WHRN: variants seen among roughly 807,000 people sequenced by gnomAD.
WHRN encodes whirlin, also known as CASK-interacting protein CIP98.
A neutral mutation model predicts 68.3 loss-of-function variants in WHRN; 41 were observed. The observed-to-expected ratio is 0.60, with a 90% CI of 0.47 to 0.78. The LOEUF (loss-of-function observed/expected upper bound fraction) is 0.78, where lower values mean the gene tolerates loss of function less well. WHRN is among the 30% of genes least tolerant of loss of function. The probability of loss-of-function intolerance (pLI) is 0.00; values close to 1 mark genes in which losing one functional copy is unlikely to be tolerated. For synonymous variants in WHRN, 560 were observed against 561.3 expected, an observed-to-expected ratio of 1.00 and a Z score of 0.03; for missense variants, 1,243 against 1,244.7, an observed-to-expected ratio of 1.00 and a Z score of 0.02.
rs748769354 is a variant in WHRN at position 114,424,361 on chromosome 9, C to A, written c.1389G>T (p.Leu463=). ...SVSVEALVMA[L]FKLLNTHAKF... ...TGGCGTGGGTGTTGAGCAGCTTGAA[C>A]AGGGCCATGACGAGGGCCTCCACAG... Residue 463 remains leucine, a synonymous_variant, in exon 6 of 12, where the codon CTG becomes CTT. Transcript: ENST00000362057. 3.7e-6 allele frequency: 6 copies of A among 1,612,330 alleles called. No homozygotes were observed. Among genetic ancestry groups the A allele is most frequent in the Middle Eastern group, 2.2e-4 (1 of 4,524 alleles).
At chr9:114,487,534 C>T (rs1842646361) in intron 1 of WHRN, among the ~76,000 whole-genome samples, 1 of 152,220 alleles carries the variant, frequency 6.6e-6, no homozygotes, top group Non-Finnish European at 1.5e-5. Flanking sequence ...ACCGAATTCT[C>T]ATTCTCCTAT....
At position 114,504,634 on chromosome 9, in the gene WHRN, C is replaced by A. The variant is rs376376335; in HGVS notation, c.168G>T (p.Glu56Asp). ...AAGCGTTCAGGCAGTGGGTGAACTG[C>A]TCCCGCTCCGCCTCGCTCAGCAGCG... ...LTALLSEAER[E>D]QFTHCLNAYH... Residue 56 changes from glutamate to aspartate, a missense_variant, in exon 1 of 12, where the codon GAG (glutamate) becomes GAT (aspartate). Glu to Asp is a conservative substitution (Grantham distance 45). Transcript: ENST00000362057. 1 of 1,608,612 alleles carries A rather than the reference C, an allele frequency of 6.2e-7. No homozygotes were observed.
intron 3 of WHRN, among the ~76,000 whole-genome samples, chr9:114,462,715 C>T (rs971258450): frequency 7.2e-5 from 11 of 152,236 alleles, no homozygotes; most frequent in African/African-American, 2.7e-4. Context: ...TCAGTTCTAG[C>T]ACTTAGCTGG....
At chr9:114,464,851 TGATG>T in intron 3 of WHRN, among the ~76,000 whole-genome samples, 1 of 127,084 alleles carries the variant, frequency 7.9e-6, no homozygotes, top group Non-Finnish European at 1.5e-5. Flanking sequence ...ATGATGATGA[TGATG>T]ATGATGATGA....
At position 114,438,726 on chromosome 9, in the gene WHRN, C is replaced by T. The variant is rs1332210166; in HGVS notation, c.964-12313G>A. 2.0e-5 allele frequency among the ~76,000 whole-genome samples: 3 copies of T among 152,098 alleles called. No homozygotes were observed. In the East Asian group the frequency reaches 5.8e-4, roughly 29 times the overall value. On this transcript the variant is annotated intron_variant, in intron 3 of 11. Coordinates refer to ENST00000362057, the MANE Select transcript of WHRN (RefSeq NM_015404.4). ...TTGGCCTCCCAAAGTGCTGGGATTA[C>T]AGGCATGAGCCACCGCGCCTGGCTA...
At chr9:114,439,394 A>C (rs1233714754) in intron 3 of WHRN, among the ~76,000 whole-genome samples, 1 of 152,218 alleles carries the variant, frequency 6.6e-6, no homozygotes, top group Non-Finnish European at 1.5e-5. Context: ...ATAAACTGCA[A>C]ACAAATCAGA....
intron 3 of WHRN, among the ~76,000 whole-genome samples, chr9:114,437,434 C>T (rs1026856671): frequency 2.6e-5 from 4 of 152,110 alleles, no homozygotes; most frequent in Non-Finnish European, 4.4e-5. Flanking sequence ...TAAAAAAACT[C>T]TATAAGCAAA....
At chr9:114,450,075 C>T (rs1443198264) in intron 3 of WHRN, among the ~76,000 whole-genome samples, 1 of 152,198 alleles carries the variant, frequency 6.6e-6, no homozygotes, top group Non-Finnish European at 1.5e-5. Flanking sequence ...GAGGTGGCTA[C>T]TGCACCTCAG....
intron 7 of WHRN, among the ~76,000 whole-genome samples, chr9:114,420,925 A>G (rs998872962): frequency 7.2e-5 from 11 of 151,934 alleles, no homozygotes; most frequent in African/African-American, 2.7e-4. Flanking sequence ...CGCGAGCTCA[A>G]GTGCCCCTTC....
At chr9:114,438,513 C>T (rs577948422) in intron 3 of WHRN, among the ~76,000 whole-genome samples, 9 of 145,216 alleles carry the variant, frequency 6.2e-5, no homozygotes, top group African/African-American at 2.1e-4. Context: ...AGTGCAGTGG[C>T]GCAATCTTGG....
intron 3 of WHRN, among the ~76,000 whole-genome samples, chr9:114,459,450 GA>G (rs1564179574): frequency 8.9e-6 from 1 of 112,700 alleles, no homozygotes; most frequent in Non-Finnish European, 1.9e-5. Context: ...GCAATAGAGC[GA>G]GAGTTCATCT....
rs1489536141 is a variant in WHRN, at chr9:114,487,000, T to C, written c.619-8229A>G. On this transcript the variant is annotated intron_variant, in intron 1 of 11. Transcript: ENST00000362057. ...ATATATATATATATATATATATATATATATATATAATATATATAGTGTTTA... is the reference window on the plus strand; with the variant it reads ...ATATATATATATATATATATATATACATATATATAATATATATAGTGTTTA... Among the ~76,000 whole-genome samples the C allele has an allele frequency of 7.3e-5, 5 of 68,520 alleles. 2 individuals are homozygous for C. The highest frequency in any genetic ancestry group is 3.0e-4 in the African/African-American group (5 of 16,418). 45.0% of individuals were successfully genotyped at this position (68,520 alleles called of 152,430 possible).
At chr9:114,415,765 C>A (rs984530709) in intron 7 of WHRN, among the ~76,000 whole-genome samples, 1 of 152,176 alleles carries the variant, frequency 6.6e-6, no homozygotes, top group African/African-American at 2.4e-5. Context: ...AGTGGCTGAA[C>A]GCATGACTGA....
At chr9:114,446,126 C>A (rs982826202) in intron 3 of WHRN, among the ~76,000 whole-genome samples, 2 of 152,158 alleles carry the variant, frequency 1.3e-5, no homozygotes, top group African/African-American at 4.8e-5. Context: ...AAACGTCCAT[C>A]AACTAATGAA....
rs1257263790 is a variant in WHRN, at chr9:114,504,244, G to T, written c.558C>A (p.Asp186Glu). 6.2e-7 allele frequency: 1 copy of T among 1,614,126 alleles called. No individual in the cohort carries two copies. The highest frequency in any genetic ancestry group is 8.5e-7 in the Non-Finnish European group (1 of 1,180,018). ...ATTTGTCGTTGACGCGCAGAATCTGGTCCCCGACCCGCAGTCCTTCCTTCT... is the reference window on the plus strand; with the variant it reads ...ATTTGTCGTTGACGCGCAGAATCTGTTCCCCGACCCGCAGTCCTTCCTTCT... The part of the protein sequence containing the change: ...LAEKEGLRVG[D>E]QILRVNDKSL... Residue 186 changes from aspartate (D) to glutamate (E), a missense_variant, in exon 1 of 12, where the codon GAC becomes GAA. By Grantham distance (45) the Asp-to-Glu change is conservative (BLOSUM62 2). Coordinates refer to ENST00000362057, the MANE Select transcript of WHRN (RefSeq NM_015404.4).
intron 7 of WHRN, among the ~76,000 whole-genome samples, chr9:114,412,182 A>G (rs1466024308): frequency 6.6e-6 from 1 of 152,254 alleles, no homozygotes; most frequent in African/African-American, 2.4e-5. Flanking sequence ...CCAGACGCTC[A>G]GGAGTCCCAA....
chr9:114,503,475 T>A (rs890066541), intron 1 of WHRN: 1 of 152,394 alleles, frequency 6.6e-6, no homozygotes, highest in Non-Finnish European at 1.5e-5. Context: ...TTAAAAAGCA[T>A]GATTAAATCC....
intron 3 of WHRN, 93 bp downstream of exon 3, chr9:114,466,174 G>A (rs947532769): frequency 5.7e-6 from 9 of 1,585,184 alleles, no homozygotes; most frequent in Non-Finnish European, 6.9e-6. Flanking sequence ...AGTCCTCAAG[G>A]TGGAGTGCTG....
intron 1 of WHRN, among the ~76,000 whole-genome samples, chr9:114,495,424 A>G (rs950206044): frequency 6.6e-6 from 1 of 152,224 alleles, no homozygotes; most frequent in Non-Finnish European, 1.5e-5. Flanking sequence ...GCTGGAAAGA[A>G]GTAAAGCCTG....
Sources: allele counts gnomAD v4.1 joint callset (sites outside exome capture counted in the v4.1 genomes callset), GRCh38; gene constraint gnomAD v4.1.1; transcripts MANE v1.5; gene names NCBI Gene and HGNC (gene_info 2026-07-23, HGNC 2026-07-21).